GRIA1: variants seen among roughly 807,000 people sequenced by gnomAD.
GRIA1 encodes the protein glutamate receptor 1.
Under a neutral mutation model 99.2 loss-of-function variants are expected in GRIA1, and 31 were observed. The ratio of observed to expected loss-of-function variants is 0.31; its 90% CI spans 0.23 to 0.42. The LOEUF (loss-of-function observed/expected upper bound fraction) is 0.42, where lower values mean the gene tolerates loss of function less well. Among genes scored for constraint, GRIA1 ranks in the 10% least tolerant of loss-of-function variants. The pLI is 1.00. For synonymous variants in GRIA1, 438 were observed against 432.4 expected, an observed-to-expected ratio of 1.01 and a Z score of -0.16; for missense variants, 782 against 1,157.5, an observed-to-expected ratio of 0.68 and a Z score of 4.71.
intron 11 of GRIA1, among the ~76,000 whole-genome samples, chr5:153,754,878 G>C: frequency 6.6e-6 from 1 of 152,168 alleles, no homozygotes; most frequent in East Asian, 1.9e-4. Context: ...TATGGTGTAA[G>C]GGAAAAAAGA....
intron 2 of GRIA1, among the ~76,000 whole-genome samples, chr5:153,589,572 T>G (rs1763784874): frequency 6.6e-6 from 1 of 152,132 alleles, no homozygotes; most frequent in South Asian, 2.1e-4. Context: ...CTCTAACATG[T>G]GCTCGCTTGT....
At chr5:153,763,118 T>C (rs934604614) in intron 11 of GRIA1, among the ~76,000 whole-genome samples, 2 of 152,198 alleles carry the variant, frequency 1.3e-5, no homozygotes, top group East Asian at 3.8e-4. Flanking sequence ...TAGCAAGCAA[T>C]GACATATATT....
intron 2 of GRIA1, among the ~76,000 whole-genome samples, chr5:153,544,331 T>A (rs1453816456): frequency 6.6e-6 from 1 of 152,024 alleles, no homozygotes; most frequent in Non-Finnish European, 1.5e-5. Context: ...AGGCAATGGG[T>A]CTGAGGGAGA....
chr5:153,614,956 A>G (rs982406474), intron 2 of GRIA1, among the ~76,000 whole-genome samples: 2 of 152,252 alleles, frequency 1.3e-5, no homozygotes, highest in Admixed American at 6.5e-5. Flanking sequence ...TTCTCCAGAA[A>G]CATCAAGTGG....
chr5:153,789,949 C>T (rs548403437), intron 13 of GRIA1, among the ~76,000 whole-genome samples: 2 of 152,302 alleles, frequency 1.3e-5, no homozygotes, highest in Admixed American at 6.5e-5. Flanking sequence ...TGAAACAGCT[C>T]ATTGATAGTC....
chr5:153,663,983 G>A (rs918019635), intron 5 of GRIA1, among the ~76,000 whole-genome samples: 1 of 152,214 alleles, frequency 6.6e-6, no homozygotes, highest in African/African-American at 2.4e-5. Context: ...ATGTAAGACA[G>A]TGACTATGAT....
Position 153,688,789 on chromosome 5 carries a change from G to A in GRIA1, c.1134+2460G>A, listed in dbSNP as rs1243978651. ...GACTGGAGTGCAATGGCATGGTCTC[G>A]GCTCACTGCAACCTCCACCTCCCGG... On this transcript the variant is annotated intron_variant, in intron 8 of 15. Transcript: ENST00000285900. Among the ~76,000 whole-genome samples the A allele has an allele frequency of 2.6e-5, 4 of 151,334 alleles. No individual in the cohort carries two copies. In the East Asian group the frequency reaches 5.8e-4, roughly 22 times the overall value.
At chr5:153,584,905 G>A (rs1763339516) in intron 2 of GRIA1, among the ~76,000 whole-genome samples, 1 of 152,190 alleles carries the variant, frequency 6.6e-6, no homozygotes, top group Admixed American at 6.5e-5. Flanking sequence ...AGAAACCTGG[G>A]TGAACTTTTT....
intron 2 of GRIA1, among the ~76,000 whole-genome samples, chr5:153,595,912 T>C (rs537065330): frequency 7.4e-4 from 112 of 152,010 alleles, no homozygotes; most frequent in Non-Finnish European, 1.5e-3. Context: ...TGCTTTTAAA[T>C]ATATATTCAG....
At chr5:153,567,352 T>C (rs1355760406) in intron 2 of GRIA1, among the ~76,000 whole-genome samples, 1 of 152,180 alleles carries the variant, frequency 6.6e-6, no homozygotes, top group Admixed American at 6.5e-5. Context: ...AGTGAGATAA[T>C]GAAGTGGAAA....
At chr5:153,777,154 G>T in intron 13 of GRIA1, among the ~76,000 whole-genome samples, 1 of 152,132 alleles carries the variant, frequency 6.6e-6, no homozygotes, top group African/African-American at 2.4e-5. Context: ...TGCAGATCCA[G>T]GAATGTGCAA....
chr5:153,743,461 A>G (rs1340296934), intron 11 of GRIA1, among the ~76,000 whole-genome samples: 1 of 152,032 alleles, frequency 6.6e-6, no homozygotes, highest in East Asian at 1.9e-4. Flanking sequence ...CCTTTCTTTT[A>G]TTAGCAAAAT....
intron 6 of GRIA1, among the ~76,000 whole-genome samples, chr5:153,675,335 A>T (rs1756496333): frequency 6.6e-6 from 1 of 152,190 alleles, no homozygotes; most frequent in South Asian, 2.1e-4. Flanking sequence ...CTAACTAAGG[A>T]ATATCCAGCA....
intron 2 of GRIA1, among the ~76,000 whole-genome samples, chr5:153,585,733 C>G (rs1763428997): frequency 6.6e-6 from 1 of 152,172 alleles, no homozygotes; most frequent in South Asian, 2.1e-4. Context: ...GATTCCTCTT[C>G]CCGTCCTCAT....
chr5:153,703,551 C>A (rs537975761), intron 10 of GRIA1, among the ~76,000 whole-genome samples: 1 of 152,094 alleles, frequency 6.6e-6, no homozygotes, highest in Non-Finnish European at 1.5e-5. Context: ...TTGAGACCAG[C>A]TTGGCCAACA....
chr5:153,672,655 TA>T (rs1165411239), intron 5 of GRIA1, among the ~76,000 whole-genome samples: 8 of 152,308 alleles, frequency 5.3e-5, no homozygotes, highest in African/African-American at 1.7e-4. Context: ...TCTATTCTTT[TA>T]GATAGAAAAA....
chr5:153,522,952 T>G (rs901216044), intron 2 of GRIA1, among the ~76,000 whole-genome samples: 1 of 152,168 alleles, frequency 6.6e-6, no homozygotes, highest in African/African-American at 2.4e-5. Flanking sequence ...TATTAATTAA[T>G]GAATTGCCTC....
intron 10 of GRIA1, among the ~76,000 whole-genome samples, chr5:153,703,199 TGTATCTTACATACATGG>T (rs1209555930): frequency 1.3e-5 from 2 of 152,208 alleles, no homozygotes; most frequent in Non-Finnish European, 2.9e-5. Context: ...CCAGTATGTG[TGTATCTTACATACATGG>T]GTACCTCTTG....
chr5:153,691,813 G>A (rs1015001948), intron 8 of GRIA1, among the ~76,000 whole-genome samples: 30 of 152,210 alleles, frequency 2.0e-4, no homozygotes, highest in Admixed American at 8.5e-4. Flanking sequence ...TACCAGTCAC[G>A]AGTCCTGCTA....
Sources: gnomAD v4.1 joint callset for allele counts (sites outside exome capture counted in the v4.1 genomes callset) on GRCh38, gnomAD v4.1.1 for gene constraint, MANE v1.5 for transcripts, NCBI Gene and HGNC (gene_info 2026-07-23, HGNC 2026-07-21) for gene names.